The following PTK2 variants were observed in gnomAD, a reference collection of about 807,000 sequenced individuals.
PTK2 encodes focal adhesion kinase 1.
In PTK2, 45 loss-of-function variants were observed where a neutral mutation model predicts 150.1. That is an observed-to-expected ratio of 0.30 (90% CI 0.24 to 0.38). The LOEUF is 0.38. PTK2 is among the 10% of genes least tolerant of loss of function. PTK2 has a pLI of 1.00. For synonymous variants in PTK2, 432 were observed against 449.2 expected, an observed-to-expected ratio of 0.96 and a Z score of 0.48; for missense variants, 919 against 1,307.3, an observed-to-expected ratio of 0.70 and a Z score of 4.58.
intron 7 of PTK2, among the ~76,000 whole-genome samples, chr8:140,845,757 T>G (rs2100125048): frequency 6.6e-6 from 1 of 152,202 alleles, no homozygotes; most frequent in African/African-American, 2.4e-5. Context: ...AGTATAGGGT[T>G]TCTAGCCTCC....
intron 21 of PTK2, among the ~76,000 whole-genome samples, chr8:140,736,445 G>A (rs1322011160): frequency 6.6e-6 from 1 of 151,882 alleles, no homozygotes; most frequent in African/African-American, 2.4e-5. Context: ...TTGGGTGATA[G>A]GTTCAACTGA....
At chr8:140,717,508 G>T in intron 23 of PTK2, 90 bp downstream of exon 26, 5 of 974,168 alleles carry the variant, frequency 5.1e-6, no homozygotes, top group African/African-American at 1.6e-5. Context: ...CCTGATATTT[G>T]ACTTTCTCCT....
At chr8:140,890,319 T>C (rs1273893471) in intron 3 of PTK2, 3 of 443,440 alleles carry the variant, frequency 6.8e-6, no homozygotes, top group Admixed American at 7.9e-5. Flanking sequence ...ATTTTATGAC[T>C]AAAATATGAT....
At chr8:140,981,584 C>T (rs1363378278) in intron 1 of PTK2, among the ~76,000 whole-genome samples, 2 of 152,196 alleles carry the variant, frequency 1.3e-5, no homozygotes, top group African/African-American at 4.8e-5. Context: ...TTTTGTACAA[C>T]CTGTGAGCTA....
At chr8:140,910,977 A>T (rs1401694159) in intron 2 of PTK2, among the ~76,000 whole-genome samples, 1 of 152,070 alleles carries the variant, frequency 6.6e-6, no homozygotes, top group Non-Finnish European at 1.5e-5. Context: ...TCCTTGACTC[A>T]AGCAATTCTC....
chr8:140,772,320 TGAG>T (rs1282168152), intron 14 of PTK2, among the ~76,000 whole-genome samples: 2 of 152,090 alleles, frequency 1.3e-5, no homozygotes, highest in Non-Finnish European at 2.9e-5. Flanking sequence ...GCCCAGCTAT[TGAG>T]GAGGCTGAGT....
At chr8:140,695,002 A>G (rs1431891969) in intron 26 of PTK2, among the ~76,000 whole-genome samples, 1 of 152,132 alleles carries the variant, frequency 6.6e-6, no homozygotes, top group Non-Finnish European at 1.5e-5. Context: ...CTGTCTAAAA[A>G]TCTGCATCTC....
chr8:140,701,035 T>C lies in PTK2; in HGVS notation c.2368-13A>G, dbSNP rs751698537. ...ATACTGTAGAGTCCTGGAAGAAGGG[T>C]TGAAAACAGCATATTCAGTCTCATA... On this transcript the variant is annotated splice_polypyrimidine_tract_variant and intron_variant, in intron 25 of 31. Coordinates refer to ENST00000522684, the Ensembl canonical transcript of PTK2. 6.8e-6 allele frequency: 11 copies of C among 1,612,028 alleles called. No individual in the cohort carries two copies. The highest frequency in any genetic ancestry group is 2.2e-5 in the South Asian group (2 of 90,698).
At chr8:140,916,369 G>A (rs953422728) in intron 2 of PTK2, among the ~76,000 whole-genome samples, 4 of 152,166 alleles carry the variant, frequency 2.6e-5, no homozygotes, top group South Asian at 2.1e-4. Flanking sequence ...CCATAACCCC[G>A]TATTCACTCT....
intron 18 of PTK2, chr8:140,746,475 C>CAG: frequency 3.6e-6 from 1 of 278,990 alleles, no homozygotes; most frequent in Non-Finnish European, 6.6e-6. Flanking sequence ...GCAATGGCAC[C>CAG]AGAGAGAAAA....
At chr8:140,682,430 C>T (rs760238645) in intron 27 of PTK2, among the ~76,000 whole-genome samples, 19 of 152,086 alleles carry the variant, frequency 1.2e-4, no homozygotes, top group South Asian at 4.1e-4. Flanking sequence ...GTGTTAACAA[C>T]GGCTAATATG....
chr8:140,889,242 T>C (rs1289440705), intron 3 of PTK2, among the ~76,000 whole-genome samples: 2 of 152,196 alleles, frequency 1.3e-5, no homozygotes, highest in African/African-American at 4.8e-5. Context: ...TTTTCTTTTT[T>C]TTCTTTTGAG....
intron 4 of PTK2, among the ~76,000 whole-genome samples, chr8:140,872,187 C>G (rs1472388783): frequency 1.3e-5 from 2 of 151,830 alleles, no homozygotes. Context: ...TGGGATTACA[C>G]GTGTGCACCA....
In PTK2 at chr8:140,692,581, C is replaced by T. The variant is rs559294352; in HGVS notation, c.2500-5887G>A. Among the ~76,000 whole-genome samples the T allele has an allele frequency of 2.6e-5, 4 of 152,102 alleles. No homozygotes were observed. In the South Asian group the frequency reaches 8.3e-4, roughly 32 times the overall value. On this transcript the variant is annotated intron_variant, in intron 26 of 31. Coordinates refer to ENST00000522684, the Ensembl canonical transcript of PTK2. Reference sequence around the variant, plus strand: ...GCAGTGTGCCAAGATTGCGCCATTTCACTCCAGCCTGGGGGACAAGAGTAA... The same window carrying T: ...GCAGTGTGCCAAGATTGCGCCATTTTACTCCAGCCTGGGGGACAAGAGTAA...
chr8:140,756,447 C>T (rs1023412768), intron 16 of PTK2, among the ~76,000 whole-genome samples: 1 of 152,092 alleles, frequency 6.6e-6, no homozygotes, highest in South Asian at 2.1e-4. Flanking sequence ...CCTGTAATCC[C>T]AGCACTTCAG....
chr8:140,789,380 T>C (rs2100086993), intron 14 of PTK2, 94 bp downstream of exon 14: 27 of 1,266,982 alleles, frequency 2.1e-5, no homozygotes, highest in Admixed American at 4.3e-5. Context: ...TCATAAGCTA[T>C]TCTAGAACGA....
At chr8:140,741,259 G>T (rs906660234) in intron 20 of PTK2, among the ~76,000 whole-genome samples, 4 of 151,660 alleles carry the variant, frequency 2.6e-5, no homozygotes, top group Non-Finnish European at 5.9e-5. Flanking sequence ...AGACCATCCT[G>T]GCTAACACAC....
At chr8:140,893,006 C>T (rs1242168268) in intron 2 of PTK2, among the ~76,000 whole-genome samples, 1 of 152,112 alleles carries the variant, frequency 6.6e-6, no homozygotes, top group East Asian at 1.9e-4. Context: ...TAGACATATG[C>T]CCAAAAGAAC....
chr8:140,724,145 T>C (rs757084524), intron 22 of PTK2, among the ~76,000 whole-genome samples: 5 of 152,238 alleles, frequency 3.3e-5, no homozygotes, highest in African/African-American at 4.8e-5. Flanking sequence ...ATAAACAAGC[T>C]GCTTCTCTGG....
Sources: allele counts gnomAD v4.1 joint callset (sites outside exome capture counted in the v4.1 genomes callset), GRCh38; gene constraint gnomAD v4.1.1; transcripts MANE v1.5; gene names NCBI Gene and HGNC (gene_info 2026-07-23, HGNC 2026-07-21).